The following GPR161 variants were observed in gnomAD, a reference collection of about 807,000 sequenced individuals.
GPR161 encodes the protein G-protein coupled receptor RE2.
Under a neutral mutation model 39.2 loss-of-function variants are expected in GPR161, and 25 were observed. That is an observed-to-expected ratio of 0.64 (90% CI 0.47 to 0.89). The LOEUF (loss-of-function observed/expected upper bound fraction) is 0.89. Among genes scored for constraint, GPR161 ranks in the 40% least tolerant of loss-of-function variants. The pLI is 0.00. For missense variants in GPR161, 547 were observed against 677.8 expected, an observed-to-expected ratio of 0.81 and a Z score of 2.14; for synonymous variants, 286 against 276.6, an observed-to-expected ratio of 1.03 and a Z score of -0.34.
At chr1:168,136,644 T>A in intron 1 of GPR161, 95 bp downstream of exon 1, 4 of 1,208,794 alleles carry the variant, frequency 3.3e-6, no homozygotes, top group Non-Finnish European at 4.1e-6. Flanking sequence ...GCCCGCGCCC[T>A]GAGCCCTCAG....
chr1:168,135,799 G>C (rs1360761581), intron 1 of GPR161, among the ~76,000 whole-genome samples: 1 of 152,216 alleles, frequency 6.6e-6, no homozygotes. Flanking sequence ...AAGGAACTGA[G>C]GTTCTTTCCC....
Position 168,085,606 on chromosome 1 carries a change from G to A in GPR161, c.1515C>T (p.Ser505=). 1 of 1,614,046 alleles carries A rather than the reference G, an allele frequency of 6.2e-7. No homozygotes were observed. Among genetic ancestry groups the A allele is most frequent in the Non-Finnish European group, 8.5e-7 (1 of 1,179,956 alleles). ...GCAGCCTCTGGCTCACAAGAGTTCTGCTGCCTCGGCGGCCCCCGAAGCCGC... is the reference window on the plus strand; with the variant it reads ...GCAGCCTCTGGCTCACAAGAGTTCTACTGCCTCGGCGGCCCCCGAAGCCGC... ...PGGGFGGRRG[S]RTLVSQRLQL... The change falls in exon 6 of 6, where the codon AGC becomes AGT. Residue 505 remains serine (S), a synonymous_variant. Transcript: ENST00000682931.
intron 1 of GPR161, among the ~76,000 whole-genome samples, chr1:168,105,462 AATCTGC>A (rs1454770157): frequency 9.8e-5 from 15 of 152,306 alleles, no homozygotes; most frequent in African/African-American, 2.9e-4. Context: ...CACGGAATCA[AATCTGC>A]ATTTTAGCCC....
intron 1 of GPR161, among the ~76,000 whole-genome samples, chr1:168,123,067 T>C (rs1698308503): frequency 6.6e-6 from 1 of 152,210 alleles, no homozygotes; most frequent in African/African-American, 2.4e-5. Context: ...TAGCAGACAC[T>C]ATTCATTATC....
intron 3 of GPR161, among the ~76,000 whole-genome samples, chr1:168,094,275 A>T (rs1558094735): frequency 6.6e-6 from 1 of 150,382 alleles, no homozygotes; most frequent in African/African-American, 2.4e-5. Flanking sequence ...GAAAACATCT[A>T]TTTTTTTTTG....
rs1220251327 is a variant in GPR161 at position 168,135,069 on chromosome 1, T to C, written c.-45+1670A>G. ...ACAAAGAGAACGGTTCGGATATCGT[T>C]GCGGCCTTGGATTAGTTCCAAAATG... On this transcript the variant is annotated intron_variant, in intron 1 of 5. Transcript: ENST00000682931. The C allele has an allele frequency of 3.4e-6, 5 of 1,482,224 alleles. No homozygotes were observed. In the African/African-American group the frequency reaches 5.6e-5, roughly 16 times the overall value. 91.8% of individuals were successfully genotyped at this position (1,482,224 alleles called of 1,614,324 possible). A position where few individuals can be genotyped will look rare whatever the true frequency, so the allele number is the denominator to read the frequency against.
upstream of GPR161, chr1:168,137,453 C>T: frequency 6.8e-7 from 1 of 1,471,144 alleles, no homozygotes; most frequent in East Asian, 2.5e-5. Flanking sequence ...CTGTCCCGGG[C>T]TCTGTTAATA....
rs150928104 is a variant in GPR161 at position 168,115,417 on chromosome 1, C to T, written c.-44-10523G>A. Among the ~76,000 whole-genome samples, 243 of 152,264 alleles carry T rather than the reference C, an allele frequency of 1.6e-3. 1 individual carries two copies. Among genetic ancestry groups the T allele is most frequent in the African/African-American group, 5.7e-3 (235 of 41,560 alleles). Reference sequence around the variant, plus strand: ...GCCAACTCAAGCACAGCTGTGCCTGCCTCAGCCTCCTCTTTTTCCTCCTCT... The same window carrying T: ...GCCAACTCAAGCACAGCTGTGCCTGTCTCAGCCTCCTCTTTTTCCTCCTCT... On this transcript the variant is annotated intron_variant, in intron 1 of 5. Coordinates refer to ENST00000682931, the MANE Select transcript of GPR161 (RefSeq NM_001375883.1).
chr1:168,090,788 A>T, intron 3 of GPR161, 120 bp from the exon 4 acceptor site: 1 of 532,776 alleles, frequency 1.9e-6, no homozygotes, highest in South Asian at 2.6e-5. Context: ...CTCACTCTCA[A>T]CTCCCTGAAA....
intron 2 of GPR161, 53 bp downstream of exon 2, chr1:168,104,424 A>T (rs757472783): frequency 1.0e-4 from 152 of 1,458,512 alleles, no homozygotes; most frequent in Middle Eastern, 5.3e-4. Flanking sequence ...ACACTGCACC[A>T]GATGAGCGCC....
chr1:168,090,719 GC>G, intron 3 of GPR161, 51 bp from the exon 4 acceptor site: 4 of 1,058,736 alleles, frequency 3.8e-6, no homozygotes, highest in Non-Finnish European at 4.2e-6. Context: ...GCAAGGAGGG[GC>G]CCCAGCCTCC....
chr1:168,135,060 G>C, intron 1 of GPR161: 1 of 1,492,610 alleles, frequency 6.7e-7, no homozygotes. Context: ...AGAACGGTTC[G>C]GATATCGTTG....
At chr1:168,132,501 T>C (rs1699070730) in intron 1 of GPR161, among the ~76,000 whole-genome samples, 1 of 148,352 alleles carries the variant, frequency 6.7e-6, no homozygotes, top group Non-Finnish European at 1.5e-5. Context: ...GGCAGGAGAA[T>C]GGCGTGAACC....
rs369800807 is a variant in GPR161 at position 168,119,268 on chromosome 1, G to A, written c.-44-14374C>T. On this transcript the variant is annotated intron_variant, in intron 1 of 5. Coordinates refer to ENST00000682931, the MANE Select transcript of GPR161 (RefSeq NM_001375883.1). The stretch of plus-strand genomic sequence containing the variant: ...CACATATATATATACGTATATATAT[G>A]TGTATATATATATATATATACACAT... Among the ~76,000 whole-genome samples the A allele has an allele frequency of 9.3e-3, 923 of 98,830 alleles. 36 individuals are homozygous for A. Among genetic ancestry groups the A allele is most frequent in the South Asian group, 0.033 (121 of 3,630 alleles). The allele number at this position is 98,830 out of a possible 152,430, so 64.8% of individuals were successfully genotyped here. A position where few individuals can be genotyped will look rare whatever the true frequency, so the allele number is the denominator to read the frequency against.
chr1:168,093,436 C>T (rs1454109660), intron 3 of GPR161, among the ~76,000 whole-genome samples: 1 of 152,242 alleles, frequency 6.6e-6, no homozygotes, highest in Admixed American at 6.5e-5. Flanking sequence ...GCCCAGGAGA[C>T]TCCTGACATC....
rs117894868 is a variant in GPR161, at chr1:168,095,722, G to A, written c.1099+786C>T. Among the ~76,000 whole-genome samples, 154 of 152,310 alleles carry A rather than the reference G, an allele frequency of 1.0e-3. 3 individuals carry two copies. In the East Asian group the frequency reaches 0.025, roughly 25 times the overall value. ...AGGAGGATGGTTGAGGAGGAAGACA[G>A]CAGCTGAGGTGGGGAGGGGGTGCTG... On this transcript the variant is annotated intron_variant, in intron 3 of 5. Coordinates refer to ENST00000682931, the MANE Select transcript of GPR161 (RefSeq NM_001375883.1).
chr1:168,087,019 A>G (rs567500324), intron 5 of GPR161, among the ~76,000 whole-genome samples: 2 of 152,292 alleles, frequency 1.3e-5, no homozygotes, highest in East Asian at 1.9e-4. Context: ...TCTCCTAATC[A>G]GCATGTCTGG....
intron 3 of GPR161, among the ~76,000 whole-genome samples, chr1:168,091,458 C>T (rs1175015692): frequency 6.6e-6 from 1 of 152,162 alleles, no homozygotes; most frequent in Non-Finnish European, 1.5e-5. Flanking sequence ...ATCCACCAAG[C>T]CTAGAGGAAA....
At position 168,110,661 on chromosome 1, in the gene GPR161, CTCCCGTAA is replaced by C. The variant is rs376708094; in HGVS notation, c.-44-5775_-44-5768del. Among the ~76,000 whole-genome samples the C allele has an allele frequency of 8.8e-3, 1,334 of 152,008 alleles. 20 individuals are homozygous for C. The highest frequency in any genetic ancestry group is 0.031 in the African/African-American group (1,276 of 41,404). ...AAAAGAAGCCGGGCGTGGTGACTCA[CTCCCGTAA>C]TCCCAGCACTTTGGGAGGCTGAGGT... On this transcript the variant is annotated intron_variant, in intron 1 of 5. Transcript: ENST00000682931.
Sources: gnomAD v4.1 joint callset for allele counts (sites outside exome capture counted in the v4.1 genomes callset) on GRCh38, gnomAD v4.1.1 for gene constraint, MANE v1.5 for transcripts, NCBI Gene and HGNC (gene_info 2026-07-23, HGNC 2026-07-21) for gene names.